OR56A3: variants seen among roughly 807,000 people sequenced by gnomAD.
OR56A3 encodes olfactory receptor 56A3.
OR56A3 carries 23 observed loss-of-function variants against 17.5 expected under a neutral mutation model. The observed-to-expected ratio is 1.32, with a 90% confidence interval of 0.95 to 1.87. The LOEUF (loss-of-function observed/expected upper bound fraction) is 1.87. Ranked by LOEUF, OR56A3 falls within the 40% of genes most tolerant of loss-of-function variation. The pLI is 0.00. For missense variants in OR56A3, 366 were observed against 380.1 expected (o/e 0.96, Z 0.31); for synonymous variants, 175 against 150.6 (o/e 1.16, Z -1.19).
At chr11:6,010,527 C>G in the OR56A3 span, among the ~76,000 whole-genome samples, 5 of 152,154 alleles carry the variant, frequency 3.3e-5, no homozygotes, top group Non-Finnish European at 7.3e-5. Flanking sequence ...CATGTTAGAA[C>G]AGTGTTAAAA....
the OR56A3 span, chr11:5,994,942 T>C: frequency 1.3e-6 from 1 of 745,254 alleles, no homozygotes; most frequent in Admixed American, 1.7e-5. Flanking sequence ...TGCCTCCCAT[T>C]CCTGCCAGAC....
the OR56A3 span, chr11:5,967,475 A>T: frequency 9.4e-7 from 1 of 1,068,682 alleles, no homozygotes; most frequent in Non-Finnish European, 1.3e-6. Flanking sequence ...GTAACAATTT[A>T]AATTTTCTAT....
At chr11:5,997,793 G>T in the OR56A3 span, among the ~76,000 whole-genome samples, 3 of 152,160 alleles carry the variant, frequency 2.0e-5, no homozygotes, top group East Asian at 1.9e-4. Context: ...ATAAACCGGG[G>T]TCATTTTATT....
chr11:5,986,244 A>G, the OR56A3 span: 44 of 1,613,748 alleles, frequency 2.7e-5, no homozygotes, highest in Non-Finnish European at 3.6e-5. Flanking sequence ...CAATGGCCAG[A>G]ACATCCAGCC....
chr11:5,957,827 A>C, the OR56A3 span, among the ~76,000 whole-genome samples: 2 of 152,218 alleles, frequency 1.3e-5, no homozygotes, highest in Non-Finnish European at 2.9e-5. Context: ...GTGGGATTTA[A>C]GCAAATCTTG....
the OR56A3 span, chr11:5,986,871 A>G: frequency 1.2e-6 from 2 of 1,613,930 alleles, no homozygotes; most frequent in South Asian, 1.1e-5. Context: ...TCCAGCTTGA[A>G]TTGCTAAGGA....
chr11:5,997,205 A>G, the OR56A3 span, among the ~76,000 whole-genome samples: 1 of 152,224 alleles, frequency 6.6e-6, no homozygotes. Context: ...AAGCAGGGCT[A>G]CAGCAGATTT....
At chr11:5,983,634 C>T in the OR56A3 span, among the ~76,000 whole-genome samples, 1 of 152,280 alleles carries the variant, frequency 6.6e-6, no homozygotes, top group Non-Finnish European at 1.5e-5. Flanking sequence ...CAGAGGAAGG[C>T]TCTTCTTCCT....
the OR56A3 span, among the ~76,000 whole-genome samples, chr11:5,964,241 A>G: frequency 6.6e-6 from 1 of 152,162 alleles, no homozygotes; most frequent in Non-Finnish European, 1.5e-5. Flanking sequence ...AATTGCTGGC[A>G]CCTTACTTTG....
chr11:5,948,054 T>A lies in OR56A3; in HGVS notation c.708T>A (p.Gly236=). The A allele has an allele frequency of 6.2e-7, 1 of 1,614,108 alleles. No individual in the cohort carries two copies. The highest frequency in any genetic ancestry group is 8.5e-7 in the Non-Finnish European group (1 of 1,180,018). ...LRAVLRLKAE[G]AVAKALSTCG... Reference sequence around the variant, plus strand: ...CTGTGCTGAGACTCAAGGCAGAGGGTGCCGTGGCAAAGGCCCTAAGCACAT... The same window carrying A: ...CTGTGCTGAGACTCAAGGCAGAGGGAGCCGTGGCAAAGGCCCTAAGCACAT... Residue 236 remains glycine, a synonymous_variant, in exon 3 of 3, where the codon GGT becomes GGA. Coordinates refer to ENST00000641160, the MANE Select transcript of OR56A3 (RefSeq NM_001003443.3).
Position 5,948,207 on chromosome 11 carries a change from T to C in OR56A3, c.861T>C (p.Ile287=), listed in dbSNP as rs1169484143. 1.9e-6 allele frequency: 3 copies of C among 1,614,236 alleles called. No homozygotes were observed. The highest frequency in any genetic ancestry group is 1.7e-5 in the Admixed American group (1 of 60,024). ...PVLLNVLHHV[I]PAALNPIIYG... ...TGCTCAATGTTCTCCACCATGTCATTCCTGCAGCCCTTAACCCCATCATTT... is the reference window on the plus strand; with the variant it reads ...TGCTCAATGTTCTCCACCATGTCATCCCTGCAGCCCTTAACCCCATCATTT... Residue 287 remains isoleucine, a synonymous_variant, in exon 3 of 3, where the codon ATT becomes ATC. Transcript: ENST00000641160.
chr11:5,964,235 G>C, the OR56A3 span, among the ~76,000 whole-genome samples: 2 of 152,142 alleles, frequency 1.3e-5, no homozygotes, highest in Non-Finnish European at 2.9e-5. Flanking sequence ...AGGGGCAATT[G>C]CTGGCACCTT....
the OR56A3 span, among the ~76,000 whole-genome samples, chr11:6,015,553 C>A: frequency 6.6e-6 from 1 of 152,352 alleles, no homozygotes; most frequent in Non-Finnish European, 1.5e-5. Context: ...GAACTCAATG[C>A]CAGCCTGTGA....
chr11:5,977,556 G>A, the OR56A3 span, among the ~76,000 whole-genome samples: 4 of 152,168 alleles, frequency 2.6e-5, no homozygotes, highest in African/African-American at 9.6e-5. Context: ...TTTTTAATAA[G>A]GTTGTTTGGG....
At chr11:6,002,198 G>A in the OR56A3 span, 15 of 1,614,204 alleles carry the variant, frequency 9.3e-6, no homozygotes, top group Non-Finnish European at 1.3e-5. Flanking sequence ...TCCTGGCCAG[G>A]TTAGTGATGA....
chr11:5,954,293 T>G (rs1847922383), downstream of OR56A3, among the ~76,000 whole-genome samples: 2 of 152,164 alleles, frequency 1.3e-5, no homozygotes, highest in Admixed American at 1.3e-4. Context: ...CTTGATCACT[T>G]TTATTTGAGG....
At chr11:5,970,737 C>T in the OR56A3 span, among the ~76,000 whole-genome samples, 2 of 151,646 alleles carry the variant, frequency 1.3e-5, no homozygotes, top group Non-Finnish European at 2.9e-5. Context: ...CTACTATTTC[C>T]ATTTAAATAC....
At chr11:6,006,147 T>C in the OR56A3 span, 2 of 152,190 alleles carry the variant, frequency 1.3e-5, no homozygotes, top group Admixed American at 6.5e-5. Context: ...GCCTCCCAGA[T>C]TTTTTAACGA....
At chr11:5,967,756 G>A in the OR56A3 span, 1 of 1,604,612 alleles carries the variant, frequency 6.2e-7, no homozygotes, top group East Asian at 2.2e-5. Flanking sequence ...AGGATGAAGT[G>A]GGAACCACAA....
Sources: allele counts gnomAD v4.1 joint callset (sites outside exome capture counted in the v4.1 genomes callset), GRCh38; gene constraint gnomAD v4.1.1; transcripts MANE v1.5; gene names NCBI Gene and HGNC (gene_info 2026-07-23, HGNC 2026-07-21).